The following ARHGAP35 variants were observed in gnomAD, a reference collection of about 807,000 sequenced individuals.
ARHGAP35 encodes Rho GTPase activating protein 35.
A neutral mutation model predicts 111.1 loss-of-function variants in ARHGAP35; 15 were observed. The ratio of observed to expected loss-of-function variants is 0.13; its 90% confidence interval spans 0.09 to 0.21. The LOEUF is 0.21. Among genes scored for constraint, ARHGAP35 ranks in the 10% least tolerant of loss-of-function variants. The probability of loss-of-function intolerance (pLI) is 1.00; values close to 1 mark genes in which losing one functional copy is unlikely to be tolerated. For synonymous variants in ARHGAP35, 643 were observed against 710.3 expected (o/e 0.91, Z 1.51); for missense variants, 1,262 against 1,873.0 (o/e 0.67, Z 6.02).
rs146349465 is a variant in ARHGAP35, at chr19:46,933,469, T to G, written c.3682-3795T>G. On this transcript the variant is annotated intron_variant, in intron 2 of 6. Coordinates refer to ENST00000672722, the MANE Select transcript of ARHGAP35 (RefSeq NM_004491.5). Reference sequence around the variant, plus strand: ...AGCTAGTGTGCTTTTATTCACTTACTCAGTCATCCATTTATTTATTCTCTC... The same window carrying G: ...AGCTAGTGTGCTTTTATTCACTTACGCAGTCATCCATTTATTTATTCTCTC... Among the ~76,000 whole-genome samples the G allele has an allele frequency of 7.2e-3, 1,097 of 152,134 alleles. 34 individuals are homozygous for G. Among genetic ancestry groups the G allele is most frequent in the Non-Finnish European group, 4.5e-3 (307 of 68,000 alleles).
rs1599877751 is a variant in ARHGAP35, at chr19:47,001,503, A to C, written c.*815A>C. ...GGAGGGAGGCACACAGGTGGAGCTG[A>C]CCCTCGTCTTTGTGGCAGCAAAACC... On this transcript the variant is annotated 3_prime_UTR_variant, in exon 7 of 7. Transcript: ENST00000672722. This position sits in a 1 kb window ranked among gnomAD's most constrained non-coding sequence, Gnocchi z 5.4. 1 of 938,774 alleles carries C rather than the reference A, an allele frequency of 1.1e-6. No homozygotes were observed. The highest frequency in any genetic ancestry group is 1.5e-5 in the South Asian group (1 of 66,086). 58.2% of individuals were successfully genotyped at this position (938,774 alleles called of 1,614,324 possible).
At position 46,908,794 on chromosome 19, in the gene ARHGAP35, G is replaced by A. The variant is rs1236570096; in HGVS notation, c.-188-9694G>A. 2.6e-5 allele frequency among the ~76,000 whole-genome samples: 4 copies of A among 152,098 alleles called. No homozygotes were observed. Among genetic ancestry groups the A allele is most frequent in the African/African-American group, 4.8e-5 (2 of 41,436 alleles). ...AGCCTGGAAGCATGAGAACTGTGGC[G>A]GGGGAAAAATGGGCTACTTGCTGTA... On this transcript the variant is annotated intron_variant, in intron 1 of 6. Coordinates refer to ENST00000672722, the MANE Select transcript of ARHGAP35 (RefSeq NM_004491.5). The surrounding 1 kb of genome is among the most constrained non-coding windows in gnomAD (Gnocchi z 4.2).
chr19:46,883,669 A>T (rs2055977574), intron 1 of ARHGAP35, among the ~76,000 whole-genome samples: 1 of 152,218 alleles, frequency 6.6e-6, no homozygotes, highest in African/African-American at 2.4e-5. Flanking sequence ...AATGATGCTG[A>T]TAGACTTGCT....
At chr19:46,965,300 C>T (rs1346095694) in intron 3 of ARHGAP35, among the ~76,000 whole-genome samples, 2 of 152,032 alleles carry the variant, frequency 1.3e-5, no homozygotes, top group African/African-American at 4.8e-5. Context: ...AGGACAAGAG[C>T]GAGACTTCAT....
At chr19:46,990,036 C>T (rs1414977125) in intron 5 of ARHGAP35, among the ~76,000 whole-genome samples, 1 of 152,192 alleles carries the variant, frequency 6.6e-6, no homozygotes, top group South Asian at 2.1e-4. Context: ...AAATTCTATT[C>T]GGAAAGGCCT....
chr19:46,895,186 C>T (rs371204139), intron 1 of ARHGAP35, among the ~76,000 whole-genome samples: 43 of 143,388 alleles, frequency 3.0e-4, no homozygotes, highest in African/African-American at 1.0e-3. Flanking sequence ...TTTTTTGAGA[C>T]GGAGTCTCGC....
In ARHGAP35 at chr19:47,004,758, G is replaced by A. The variant is rs2056766812; in HGVS notation, c.*4070G>A. The A allele has an allele frequency of 6.6e-6, 1 of 152,468 alleles. No individual in the cohort carries two copies. The highest frequency in any genetic ancestry group is 6.5e-5 in the Admixed American group (1 of 15,274). 9.4% of individuals were successfully genotyped at this position (152,468 alleles called of 1,614,324 possible). On this transcript the variant is annotated 3_prime_UTR_variant, in exon 7 of 7. Coordinates refer to ENST00000672722, the MANE Select transcript of ARHGAP35 (RefSeq NM_004491.5). ...AAGTGAAGACCTGTATGTAAAGAAA[G>A]TATAACAATTATTTCTTTGTATTTT...
intron 3 of ARHGAP35, among the ~76,000 whole-genome samples, chr19:46,975,159 C>T (rs887200815): frequency 6.6e-6 from 1 of 152,164 alleles, no homozygotes; most frequent in Admixed American, 6.5e-5. Flanking sequence ...CATGAGCCAC[C>T]ATGCCTGGCC....
chr19:46,862,154 C>T (rs2055832322), intron 1 of ARHGAP35, among the ~76,000 whole-genome samples: 2 of 152,190 alleles, frequency 1.3e-5, no homozygotes, highest in African/African-American at 4.8e-5. Context: ...GATCTTGCTG[C>T]GCTCCCCTCA....
intron 1 of ARHGAP35, among the ~76,000 whole-genome samples, chr19:46,862,446 C>T (rs770539968): frequency 2.4e-4 from 36 of 152,102 alleles, no homozygotes; most frequent in Non-Finnish European, 4.7e-4. Flanking sequence ...CAATTCCTCT[C>T]CTCCCCGTTT....
In ARHGAP35 at chr19:46,919,756, C is replaced by G; in HGVS notation, c.1081C>G (p.Leu361Val). 5 of 1,614,038 alleles carry G rather than the reference C, an allele frequency of 3.1e-6. No homozygotes were observed. Among genetic ancestry groups the G allele is most frequent in the Non-Finnish European group, 4.2e-6 (5 of 1,179,904 alleles). The change falls in exon 2 of 7, where the codon CTA (leucine) becomes GTA (valine). Residue 361 changes from leucine (L) to valine (V), a missense_variant. Transcript: ENST00000672722. This position sits in a 1 kb window ranked among gnomAD's most constrained non-coding sequence, Gnocchi z 6.2. ...LIPNLDEIDHLSCIKAKKLLE... is the reference protein window; with the variant it reads ...LIPNLDEIDHVSCIKAKKLLE... The stretch of plus-strand genomic sequence containing the variant: ...ACCTAATCTAGATGAAATAGACCAC[C>G]TAAGCTGCATAAAAGCCAAAAAGCT...
intron 3 of ARHGAP35, among the ~76,000 whole-genome samples, chr19:46,938,612 C>G (rs530470934): frequency 3.3e-5 from 5 of 150,884 alleles, no homozygotes; most frequent in Non-Finnish European, 5.9e-5. Context: ...CTCGGCCTCC[C>G]AAAGTGCTGG....
intron 1 of ARHGAP35, among the ~76,000 whole-genome samples, chr19:46,862,037 C>T (rs1309245961): frequency 6.6e-6 from 1 of 152,190 alleles, no homozygotes; most frequent in African/African-American, 2.4e-5. Context: ...TTGGCTGCAC[C>T]GTGCTTGCCT....
rs563681851 is a variant in ARHGAP35, at chr19:46,938,445, C to T, written c.3826+1037C>T. Among the ~76,000 whole-genome samples the T allele has an allele frequency of 7.9e-5, 12 of 152,198 alleles. 1 individual carries two copies. The South Asian group carries it at 2.5e-3, about 32-fold the overall frequency. On this transcript the variant is annotated intron_variant, in intron 3 of 6. Transcript: ENST00000672722. The stretch of plus-strand genomic sequence containing the variant: ...CTCAACTCACTGCAACCTCCGCCTC[C>T]CAGGTTCAAGCGATTCTCCTGCTTC...
At chr19:46,974,165 T>C (rs1376894868) in intron 3 of ARHGAP35, among the ~76,000 whole-genome samples, 2 of 152,218 alleles carry the variant, frequency 1.3e-5, no homozygotes, top group East Asian at 3.9e-4. Flanking sequence ...TAGCTAAGTG[T>C]ATCTTTTCTA....
rs1178919058 is a variant in ARHGAP35 at position 46,994,531 on chromosome 19, C to T, written c.4037-4773C>T. On this transcript the variant is annotated intron_variant, in intron 5 of 6. Transcript: ENST00000672722. The surrounding 1 kb of genome is among the most constrained non-coding windows in gnomAD (Gnocchi z 5.4). ...CCAGGCCCAGGTTGGAGCGGGATAG[C>T]CCAGTCAGCACCGTGCTCAGCAAGT... Among the ~76,000 whole-genome samples the T allele has an allele frequency of 6.6e-6, 1 of 152,156 alleles. No individual in the cohort carries two copies. Among genetic ancestry groups the T allele is most frequent in the Non-Finnish European group, 1.5e-5 (1 of 68,020 alleles).
In ARHGAP35 at chr19:46,989,823, G is replaced by A. The variant is rs2056670367; in HGVS notation, c.4036+148G>A. The A allele has an allele frequency of 7.4e-7, 1 of 1,347,286 alleles. No homozygotes were observed. Among genetic ancestry groups the A allele is most frequent in the South Asian group, 1.3e-5 (1 of 76,462 alleles). 83.5% of individuals were successfully genotyped at this position (1,347,286 alleles called of 1,614,324 possible). A position where few individuals can be genotyped will look rare whatever the true frequency, so the allele number is the denominator to read the frequency against. The stretch of plus-strand genomic sequence containing the variant: ...AGGGAATTAACCAGATGACAGCAAT[G>A]GGACTTGCAAATCGGGCTCCTGCCC... On this transcript the variant is annotated intron_variant, in intron 5 of 6. Transcript: ENST00000672722. This position sits in a 1 kb window ranked among gnomAD's most constrained non-coding sequence, Gnocchi z 5.3.
intron 1 of ARHGAP35, among the ~76,000 whole-genome samples, chr19:46,911,749 G>T (rs1406520920): frequency 6.6e-6 from 1 of 152,106 alleles, no homozygotes; most frequent in Admixed American, 6.6e-5. Flanking sequence ...GATTCAAAAA[G>T]ATTATAATCC....
At chr19:46,861,787 C>T (rs991131193) in intron 1 of ARHGAP35, among the ~76,000 whole-genome samples, 2 of 152,060 alleles carry the variant, frequency 1.3e-5, no homozygotes, top group African/African-American at 4.8e-5. Context: ...TCTGTTGCAC[C>T]CTGGGAGCTG....
Sources: gnomAD v4.1 joint callset for allele counts (sites outside exome capture counted in the v4.1 genomes callset) on GRCh38, gnomAD v4.1.1 for gene constraint, Gnocchi (gnomAD v3.1) non-coding constraint, MANE v1.5 for transcripts, NCBI Gene and HGNC (gene_info 2026-07-23, HGNC 2026-07-21) for gene names.